Variants in SLC25A42 observed in about 807,000 individuals in gnomAD.
The protein encoded by SLC25A42 is solute carrier family 25 member 42.
Under a neutral mutation model 34.7 loss-of-function variants are expected in SLC25A42, and 19 were observed. The observed-to-expected ratio is 0.55, with a 90% confidence interval of 0.38 to 0.80. The LOEUF (loss-of-function observed/expected upper bound fraction) is 0.80. Among genes scored for constraint, SLC25A42 ranks in the 30% least tolerant of loss-of-function variants. The pLI, the probability that SLC25A42 is intolerant of heterozygous loss-of-function variation, is 0.00. For synonymous variants in SLC25A42, 205 were observed against 191.2 expected (o/e 1.07, Z -0.59); for missense variants, 364 against 441.3 (o/e 0.82, Z 1.57).
At chr19:19,097,508 C>T (rs1270586035) in intron 2 of SLC25A42, among the ~76,000 whole-genome samples, 2 of 152,232 alleles carry the variant, frequency 1.3e-5, no homozygotes, top group Non-Finnish European at 2.9e-5. Flanking sequence ...GGCTGCTGAA[C>T]CACACGCAGA....
intron 2 of SLC25A42, among the ~76,000 whole-genome samples, chr19:19,098,718 G>A (rs758753474): frequency 6.6e-6 from 1 of 152,208 alleles, no homozygotes; most frequent in Non-Finnish European, 1.5e-5. Context: ...TCAGGGGTTC[G>A]AGACCAGCCT....
chr19:19,087,361 C>G (rs1347596200), intron 1 of SLC25A42, among the ~76,000 whole-genome samples: 5 of 152,168 alleles, frequency 3.3e-5, no homozygotes, highest in Admixed American at 1.3e-4. Flanking sequence ...GATCTCAGCT[C>G]ACAGCAACCT....
At chr19:19,099,633 G>A (rs2059783909) in intron 2 of SLC25A42, among the ~76,000 whole-genome samples, 1 of 152,126 alleles carries the variant, frequency 6.6e-6, no homozygotes, top group South Asian at 2.1e-4. Flanking sequence ...CCGGTTGCCT[G>A]TTACACCTGA....
chr19:19,072,040 G>A (rs2145898215), intron 1 of SLC25A42, among the ~76,000 whole-genome samples: 2 of 152,338 alleles, frequency 1.3e-5, no homozygotes, highest in Middle Eastern at 3.4e-3. Flanking sequence ...GATTAGGCAA[G>A]TGGGATCTTG....
At chr19:19,096,254 T>TGGCC in intron 2 of SLC25A42, 49 bp downstream of exon 2, 10 of 1,456,592 alleles carry the variant, frequency 6.9e-6, no homozygotes, top group East Asian at 4.7e-5. Context: ...GGCCCCAGCC[T>TGGCC]CCCCACCCCC....
chr19:19,086,018 C>T (rs1475907581), intron 1 of SLC25A42, among the ~76,000 whole-genome samples: 7 of 152,190 alleles, frequency 4.6e-5, no homozygotes, highest in South Asian at 2.1e-4. Flanking sequence ...GACCATGTGC[C>T]GTGGAGGACC....
intron 1 of SLC25A42, among the ~76,000 whole-genome samples, chr19:19,074,760 A>AGT (rs748485737): frequency 6.6e-6 from 1 of 151,482 alleles, no homozygotes; most frequent in Non-Finnish European, 1.5e-5. Context: ...AGCGAGTGTG[A>AGT]GTGTGTGTGT....
At chr19:19,100,782 C>T (rs1473177940) in intron 2 of SLC25A42, among the ~76,000 whole-genome samples, 1 of 152,230 alleles carries the variant, frequency 6.6e-6, no homozygotes, top group African/African-American at 2.4e-5. Context: ...CCACCCTGCA[C>T]TGTGGGGCTC....
chr19:19,105,975 C>A (rs2059825178), intron 5 of SLC25A42: 1 of 559,106 alleles, frequency 1.8e-6, no homozygotes, highest in African/African-American at 1.9e-5. Flanking sequence ...TTTCTCCACC[C>A]CCACGCATAA....
intron 1 of SLC25A42, among the ~76,000 whole-genome samples, chr19:19,091,606 G>T (rs1233656672): frequency 1.3e-5 from 2 of 152,204 alleles, no homozygotes; most frequent in African/African-American, 4.8e-5. Flanking sequence ...GCCGGGTGCG[G>T]TGGCTCCCAC....
At chr19:19,085,506 C>T (rs1244408983) in intron 1 of SLC25A42, among the ~76,000 whole-genome samples, 2 of 152,024 alleles carry the variant, frequency 1.3e-5, no homozygotes, top group Admixed American at 6.6e-5. Flanking sequence ...CTCAGCCTCC[C>T]GAGTAGCTGG....
chr19:19,076,785 A>G (rs1317431869), intron 1 of SLC25A42, among the ~76,000 whole-genome samples: 2 of 152,198 alleles, frequency 1.3e-5, no homozygotes, highest in Non-Finnish European at 2.9e-5. Flanking sequence ...ACAGTTTTCA[A>G]GCCCCCAGCT....
At chr19:19,098,582 G>C (rs527690017) in intron 2 of SLC25A42, among the ~76,000 whole-genome samples, 3 of 149,336 alleles carry the variant, frequency 2.0e-5, no homozygotes, top group Non-Finnish European at 4.5e-5. Context: ...GTGGCAGAGT[G>C]GGATCCTATC....
At chr19:19,073,578 C>CTT (rs869183295) in intron 1 of SLC25A42, among the ~76,000 whole-genome samples, 19 of 138,792 alleles carry the variant, frequency 1.4e-4, no homozygotes, top group African/African-American at 4.5e-4. Context: ...GAACATGGGG[C>CTT]TTTTTTTTTT....
chr19:19,095,883 G>A (rs2059761974), intron 1 of SLC25A42: 2 of 616,522 alleles, frequency 3.2e-6, no homozygotes, highest in Non-Finnish European at 6.0e-6. Flanking sequence ...AAAAAGAACA[G>A]ACTGTTTGTG....
intron 6 of SLC25A42, 116 bp from the exon 7 acceptor site, chr19:19,107,778 C>A: frequency 2.1e-6 from 2 of 966,522 alleles, no homozygotes; most frequent in Non-Finnish European, 3.2e-6. Flanking sequence ...AGGAAAACAT[C>A]AACATCCAGA....
chr19:19,071,104 T>G (rs1221983187), intron 1 of SLC25A42, among the ~76,000 whole-genome samples: 1 of 150,694 alleles, frequency 6.6e-6, no homozygotes, highest in African/African-American at 2.4e-5. Context: ...ATTCCTGGGC[T>G]CAAGTGATCC....
chr19:19,105,411 G>A, intron 4 of SLC25A42, 150 bp from the exon 5 acceptor site: 3 of 873,958 alleles, frequency 3.4e-6, no homozygotes, highest in Non-Finnish European at 5.1e-6. Context: ...TCGGGGTGGG[G>A]CCCTCACATG....
intron 1 of SLC25A42, among the ~76,000 whole-genome samples, chr19:19,077,379 G>A (rs1375909165): frequency 6.6e-6 from 1 of 152,116 alleles, no homozygotes; most frequent in Non-Finnish European, 1.5e-5. Flanking sequence ...CCTGCTCCCA[G>A]CCCCTGGCAC....
Sources: allele counts gnomAD v4.1 joint callset (sites outside exome capture counted in the v4.1 genomes callset), GRCh38; gene constraint gnomAD v4.1.1; transcripts MANE v1.5; gene names NCBI Gene and HGNC (gene_info 2026-07-23, HGNC 2026-07-21).